ZFHX3: variants seen among roughly 807,000 people sequenced by gnomAD.
The protein encoded by ZFHX3 is zinc finger homeobox 3.
In ZFHX3, 42 loss-of-function variants were observed where a neutral mutation model predicts 279.1. That is an observed-to-expected ratio of 0.15 (90% CI 0.12 to 0.19). The LOEUF (loss-of-function observed/expected upper bound fraction) is 0.19. Ranked by LOEUF, ZFHX3 falls within the 10% of genes least tolerant of loss-of-function variation. ZFHX3 has a pLI of 1.00. For missense variants in ZFHX3, 4,981 were observed against 4,754.0 expected (o/e 1.05, Z -1.40); for synonymous variants, 2,293 against 1,957.8 (o/e 1.17, Z -4.52).
intron 8 of ZFHX3, among the ~76,000 whole-genome samples, chr16:73,077,063 C>G (rs1028399738): frequency 3.9e-5 from 6 of 152,118 alleles, no homozygotes; most frequent in African/African-American, 1.4e-4. Context: ...CTTTGGGACT[C>G]TCAAAAAGGA....
At chr16:72,939,197 ACTC>A (rs1038269406) in intron 3 of ZFHX3, among the ~76,000 whole-genome samples, 1 of 151,534 alleles carries the variant, frequency 6.6e-6, no homozygotes, top group Admixed American at 6.6e-5. Context: ...GGAGCAGGGG[ACTC>A]CTCAGCTGGG....
intron 8 of ZFHX3, among the ~76,000 whole-genome samples, chr16:73,078,718 C>T (rs1285226333): frequency 2.6e-5 from 4 of 151,930 alleles, no homozygotes; most frequent in African/African-American, 9.7e-5. Flanking sequence ...AATCTCCACT[C>T]ACTGCAAGCT....
intron 4 of ZFHX3, among the ~76,000 whole-genome samples, chr16:72,833,337 G>A (rs990696117): frequency 6.6e-6 from 1 of 152,172 alleles, no homozygotes; most frequent in Non-Finnish European, 1.5e-5. Flanking sequence ...TCCCCCCACA[G>A]ATCATGGATT....
intron 4 of ZFHX3, among the ~76,000 whole-genome samples, chr16:72,873,344 G>C (rs1306880136): frequency 6.6e-6 from 1 of 152,178 alleles, no homozygotes; most frequent in African/African-American, 2.4e-5. Flanking sequence ...AGCATGCTTG[G>C]AGAAAATGGC....
chr16:73,388,029 G>A (rs148009641), intron 3 of ZFHX3, among the ~76,000 whole-genome samples: 2 of 152,160 alleles, frequency 1.3e-5, no homozygotes, highest in Non-Finnish European at 2.9e-5. Flanking sequence ...TTGTGCCCTC[G>A]GATGCTGAGC....
At chr16:73,717,376 T>C (rs1159800969) in intron 1 of ZFHX3, among the ~76,000 whole-genome samples, 2 of 152,150 alleles carry the variant, frequency 1.3e-5, no homozygotes, top group African/African-American at 4.8e-5. Context: ...ATTCCCTTTG[T>C]GCCAGAAGTT....
At chr16:72,834,278 C>T (rs1442858971) in intron 4 of ZFHX3, among the ~76,000 whole-genome samples, 3 of 152,166 alleles carry the variant, frequency 2.0e-5, no homozygotes, top group Non-Finnish European at 4.4e-5. Context: ...CTCTTTCCAT[C>T]ACCACCTCCT....
At chr16:72,839,202 C>A (rs779905900) in intron 4 of ZFHX3, among the ~76,000 whole-genome samples, 27 of 152,058 alleles carry the variant, frequency 1.8e-4, no homozygotes, top group African/African-American at 5.6e-4. Flanking sequence ...CCTTCCCCCC[C>A]CCATTTTCCA....
chr16:73,657,383 G>A (rs908808708), intron 2 of ZFHX3, among the ~76,000 whole-genome samples: 2 of 152,186 alleles, frequency 1.3e-5, no homozygotes, highest in African/African-American at 2.4e-5. Context: ...ACCTAAATCC[G>A]GGAGGCAGAG....
At chr16:73,183,593 G>C (rs1003866650) in intron 5 of ZFHX3, among the ~76,000 whole-genome samples, 1 of 152,232 alleles carries the variant, frequency 6.6e-6, no homozygotes, top group African/African-American at 2.4e-5. Context: ...AGCCTCTGGA[G>C]ATGGTTGGGG....
At chr16:73,672,529 A>G (rs2052913816) in intron 2 of ZFHX3, among the ~76,000 whole-genome samples, 1 of 152,200 alleles carries the variant, frequency 6.6e-6, no homozygotes, top group Non-Finnish European at 1.5e-5. Context: ...CTACCCTTCC[A>G]AACTCAGAGC....
At chr16:73,476,382 G>A (rs1251910691) in intron 2 of ZFHX3, among the ~76,000 whole-genome samples, 2 of 152,090 alleles carry the variant, frequency 1.3e-5, no homozygotes, top group African/African-American at 4.8e-5. Context: ...GAACGTGTAG[G>A]TTGATTTACA....
intron 5 of ZFHX3, among the ~76,000 whole-genome samples, chr16:73,210,844 A>G (rs919212836): frequency 1.3e-5 from 2 of 152,078 alleles, no homozygotes; most frequent in African/African-American, 4.8e-5. Flanking sequence ...TTTTTTCCCA[A>G]AAGATTTTTT....
At chr16:72,836,920 C>A (rs2037206863) in intron 4 of ZFHX3, among the ~76,000 whole-genome samples, 1 of 152,170 alleles carries the variant, frequency 6.6e-6, no homozygotes, top group African/African-American at 2.4e-5. Flanking sequence ...TCTATTTACT[C>A]ATCAGAAGTG....
intron 4 of ZFHX3, among the ~76,000 whole-genome samples, chr16:73,288,779 C>A (rs1324963971): frequency 6.6e-6 from 1 of 151,888 alleles, no homozygotes; most frequent in Non-Finnish European, 1.5e-5. Flanking sequence ...ACATGCAGTG[C>A]GTATATCTTC....
chr16:72,933,914 G>A (rs959361464), intron 3 of ZFHX3, among the ~76,000 whole-genome samples: 5 of 149,986 alleles, frequency 3.3e-5, no homozygotes, highest in Non-Finnish European at 5.9e-5. Context: ...TGCCTCCCGG[G>A]TTCATGCCAT....
chr16:72,985,558 C>T (rs958988937), intron 1 of ZFHX3, among the ~76,000 whole-genome samples: 4 of 152,160 alleles, frequency 2.6e-5, no homozygotes, highest in Non-Finnish European at 5.9e-5. Flanking sequence ...ATGGAATTTT[C>T]GCTCTTGAGA....
chr16:73,456,635 T>A (rs1427714573), intron 2 of ZFHX3, among the ~76,000 whole-genome samples: 5 of 152,188 alleles, frequency 3.3e-5, no homozygotes, highest in Admixed American at 2.6e-4. Flanking sequence ...AGCTTCTTTC[T>A]CTCTTCTGTT....
At chr16:73,103,958 ACT>A (rs1966262291) in intron 7 of ZFHX3, among the ~76,000 whole-genome samples, 2 of 152,338 alleles carry the variant, frequency 1.3e-5, no homozygotes, top group South Asian at 4.1e-4. Context: ...AACTGAAGGC[ACT>A]CTGATTCCAC....
Sources: gnomAD v4.1 joint callset for allele counts (sites outside exome capture counted in the v4.1 genomes callset) on GRCh38, gnomAD v4.1.1 for gene constraint, MANE v1.5 for transcripts, NCBI Gene and HGNC (gene_info 2026-07-23, HGNC 2026-07-21) for gene names.